NDUFA12: variants seen among roughly 807,000 people sequenced by gnomAD.
NDUFA12 encodes NADH dehydrogenase [ubiquinone] 1 alpha subcomplex subunit 12.
In NDUFA12, 17 loss-of-function variants were observed where a neutral mutation model predicts 20.3. The observed-to-expected ratio is 0.84, with a 90% CI of 0.57 to 1.26. The LOEUF (loss-of-function observed/expected upper bound fraction) is 1.26, where lower values mean the gene tolerates loss of function less well. Among genes scored for constraint, NDUFA12 ranks in the 50% most tolerant of loss-of-function variants. The pLI, the probability that NDUFA12 is intolerant of heterozygous loss-of-function variation, is 0.00. For synonymous variants in NDUFA12, 72 were observed against 63.6 expected (o/e 1.13, Z -0.63); for missense variants, 191 against 183.7 (o/e 1.04, Z -0.23).
intron 3 of NDUFA12, among the ~76,000 whole-genome samples, chr12:94,974,890 AT>A (rs1190016259): frequency 6.6e-6 from 1 of 152,080 alleles, no homozygotes; most frequent in African/African-American, 2.4e-5. Context: ...GGAGGTGGGG[AT>A]GGTTAATGGG....
chr12:94,987,939 G>A (rs959666339), intron 3 of NDUFA12, among the ~76,000 whole-genome samples: 1 of 151,830 alleles, frequency 6.6e-6, no homozygotes, highest in Non-Finnish European at 1.5e-5. Flanking sequence ...CTACATCAAG[G>A]ACAGGAAATT....
At chr12:94,997,609 C>T (rs4923649) in intron 2 of NDUFA12, among the ~76,000 whole-genome samples, 11,445 of 152,154 alleles carry the variant, frequency 0.075, 510 homozygotes, top group East Asian at 0.16. Context: ...GGTTGGGTAT[C>T]TCCAATTCCA....
chr12:95,002,378 G>C (rs1239126396), intron 2 of NDUFA12, among the ~76,000 whole-genome samples: 3 of 130,652 alleles, frequency 2.3e-5, no homozygotes, highest in South Asian at 2.5e-4. Flanking sequence ...GGAGGTGGAG[G>C]TTGCAGTGAG....
chr12:95,000,960 T>C (rs530584953), intron 2 of NDUFA12, among the ~76,000 whole-genome samples: 2 of 152,300 alleles, frequency 1.3e-5, no homozygotes, highest in South Asian at 4.1e-4. Flanking sequence ...AACAACAAAC[T>C]ATTCTAAAAA....
At chr12:94,989,282 A>G (rs910482676) in intron 3 of NDUFA12, among the ~76,000 whole-genome samples, 1 of 152,182 alleles carries the variant, frequency 6.6e-6, no homozygotes, top group East Asian at 1.9e-4. Context: ...TATGAAAACA[A>G]GGACCTTGTT....
chr12:94,989,405 G>C (rs1874560826), intron 3 of NDUFA12, among the ~76,000 whole-genome samples: 1 of 152,134 alleles, frequency 6.6e-6, no homozygotes, highest in Non-Finnish European at 1.5e-5. Flanking sequence ...ATAATACCTA[G>C]CTCTCTAATT....
intron 3 of NDUFA12, among the ~76,000 whole-genome samples, chr12:94,982,236 G>A (rs1278076167): frequency 6.6e-6 from 1 of 151,968 alleles, no homozygotes; most frequent in Non-Finnish European, 1.5e-5. Flanking sequence ...GCAAGTGACA[G>A]CTCACCCAGC....
rs1873889092 is a variant in NDUFA12 at position 94,971,627 on chromosome 12, G to A, written c.258-7C>T. The stretch of plus-strand genomic sequence containing the variant: ...ACTGTGAAGCCAACGATGCCTTAAA[G>A]AGGGGAAAAAACCCAAACAGTTATG... On this transcript the variant is annotated splice_region_variant and splice_polypyrimidine_tract_variant and intron_variant, in intron 3 of 3. Coordinates refer to ENST00000327772, the MANE Select transcript of NDUFA12 (RefSeq NM_018838.5). 1 of 1,614,014 alleles carries A rather than the reference G, an allele frequency of 6.2e-7. No individual in the cohort carries two copies. Among genetic ancestry groups the A allele is most frequent in the Non-Finnish European group, 8.5e-7 (1 of 1,180,008 alleles).
At chr12:94,997,627 C>T (rs543678552) in intron 2 of NDUFA12, among the ~76,000 whole-genome samples, 3 of 152,106 alleles carry the variant, frequency 2.0e-5, no homozygotes, top group East Asian at 3.9e-4. Context: ...CCAAAAGCTC[C>T]AAAATTGGAA....
intron 2 of NDUFA12, among the ~76,000 whole-genome samples, chr12:94,995,593 G>A (rs1343685159): frequency 2.0e-5 from 3 of 152,060 alleles, no homozygotes; most frequent in African/African-American, 7.2e-5. Context: ...GCAATGGCGC[G>A]GCCTCGGCTC....
At chr12:94,983,728 G>C (rs976157234) in intron 3 of NDUFA12, among the ~76,000 whole-genome samples, 10 of 148,958 alleles carry the variant, frequency 6.7e-5, no homozygotes, top group African/African-American at 2.2e-4. Flanking sequence ...TAGCACCCTA[G>C]TCCAACCCCA....
In NDUFA12 at chr12:94,971,669, T is replaced by C. The variant is rs368077583; in HGVS notation, c.258-49A>G. ...ACAGTTATGAAGAGGCAGTACAGCATAGTGGAAGGACGGTTAAAAACGTAG... is the reference window on the plus strand; with the variant it reads ...ACAGTTATGAAGAGGCAGTACAGCACAGTGGAAGGACGGTTAAAAACGTAG... On this transcript the variant is annotated intron_variant, in intron 3 of 3. Transcript: ENST00000327772. 4 of 1,601,104 alleles carry C rather than the reference T, an allele frequency of 2.5e-6. No homozygotes were observed. The African/African-American group carries it at 4.0e-5, about 16-fold the overall frequency.
chr12:94,983,202 C>T (rs903610958), intron 3 of NDUFA12, among the ~76,000 whole-genome samples: 6 of 152,132 alleles, frequency 3.9e-5, no homozygotes, highest in Admixed American at 1.3e-4. Context: ...ATCAGCAACT[C>T]CTGCTGACCC....
Position 94,994,309 on chromosome 12 carries a change from A to G in NDUFA12, c.170-52T>C, listed in dbSNP as rs878901232. 2.2e-6 allele frequency: 3 copies of G among 1,339,372 alleles called. No homozygotes were observed. In the South Asian group the frequency reaches 3.6e-5, roughly 16 times the overall value. The allele number at this position is 1,339,372 out of a possible 1,614,324, so 83.0% of individuals were successfully genotyped here. A position where few individuals can be genotyped will look rare whatever the true frequency, so the allele number is the denominator to read the frequency against. On this transcript the variant is annotated intron_variant, in intron 2 of 3. Transcript: ENST00000327772. ...AGAAAAACTTTTTTTTTTAAAGCAT[A>G]GATGCATAATATCAAAGAAGACAAC...
At chr12:94,988,323 G>C (rs1874521799) in intron 3 of NDUFA12, among the ~76,000 whole-genome samples, 1 of 152,136 alleles carries the variant, frequency 6.6e-6, no homozygotes, top group Non-Finnish European at 1.5e-5. Context: ...GTAGGACAAT[G>C]TTCTTGTTTG....
chr12:94,979,821 G>GC (rs1420909400), intron 3 of NDUFA12, among the ~76,000 whole-genome samples: 2 of 143,530 alleles, frequency 1.4e-5, no homozygotes, highest in Non-Finnish European at 3.0e-5. Flanking sequence ...GGTGACAAGA[G>GC]CAAGACCCTG....
intron 3 of NDUFA12, among the ~76,000 whole-genome samples, chr12:94,989,512 G>T (rs529631235): frequency 1.3e-5 from 2 of 152,316 alleles, no homozygotes; most frequent in East Asian, 3.9e-4. Context: ...ACAAAGAGGG[G>T]TTTGAGAAAC....
chr12:94,974,375 G>A (rs80326576), intron 3 of NDUFA12, among the ~76,000 whole-genome samples: 5,359 of 152,240 alleles, frequency 0.035, 130 homozygotes, highest in Middle Eastern at 0.085. Context: ...GGAGAAAAGG[G>A]AACCCTCAAA....
rs532056186 is a variant in NDUFA12 at position 94,993,751 on chromosome 12, A to C, written c.257+419T>G. Reference sequence around the variant, plus strand: ...GGAGTTCGAGACCAGCCTGGCCAACACAGTGAAAACCTGTCTGTACTAAAA... The same window carrying C: ...GGAGTTCGAGACCAGCCTGGCCAACCCAGTGAAAACCTGTCTGTACTAAAA... On this transcript the variant is annotated intron_variant, in intron 3 of 3. Coordinates refer to ENST00000327772, the MANE Select transcript of NDUFA12 (RefSeq NM_018838.5). Among the ~76,000 whole-genome samples the C allele has an allele frequency of 1.1e-3, 159 of 149,692 alleles. 1 individual carries two copies. Among genetic ancestry groups the C allele is most frequent in the African/African-American group, 3.8e-3 (154 of 40,736 alleles).
Sources: allele counts gnomAD v4.1 joint callset (sites outside exome capture counted in the v4.1 genomes callset), GRCh38; gene constraint gnomAD v4.1.1; transcripts MANE v1.5; gene names NCBI Gene and HGNC (gene_info 2026-07-23, HGNC 2026-07-21).